SUPT20H: variants seen among roughly 807,000 people sequenced by gnomAD.
SUPT20H encodes the protein transcription factor SPT20 homolog.
In SUPT20H, 82 loss-of-function variants were observed where a neutral mutation model predicts 122.8. That is an observed-to-expected ratio of 0.67 (90% CI 0.56 to 0.80). The LOEUF is 0.80. Among genes scored for constraint, SUPT20H ranks in the 30% least tolerant of loss-of-function variants. The pLI, the probability that SUPT20H is intolerant of heterozygous loss-of-function variation, is 0.00. For synonymous variants in SUPT20H, 291 were observed against 313.0 expected (o/e 0.93, Z 0.74); for missense variants, 831 against 921.6 (o/e 0.90, Z 1.27).
rs141667073 is a variant in SUPT20H at position 37,051,277 on chromosome 13, G to C, written c.3+211C>G. ...TACTTCATAAATACAAGCACAGATA[G>C]ATGGATGAATGTGATCACTGTAACA... On this transcript the variant is annotated intron_variant, in intron 2 of 25. Transcript: ENST00000350612. Among the ~76,000 whole-genome samples the C allele has an allele frequency of 1.2e-3, 178 of 152,278 alleles. 1 individual carries two copies. The highest frequency in any genetic ancestry group is 4.1e-3 in the African/African-American group (171 of 41,572).
intron 16 of SUPT20H, 136 bp downstream of exon 16, chr13:37,026,067 TA>T: frequency 1.7e-6 from 1 of 591,020 alleles, no homozygotes; most frequent in Non-Finnish European, 2.9e-6. Context: ...CAGAGACCCA[TA>T]AATATTAAAC....
intron 9 of SUPT20H, among the ~76,000 whole-genome samples, chr13:37,037,498 A>G (rs1268910207): frequency 6.6e-6 from 1 of 152,218 alleles, no homozygotes; most frequent in African/African-American, 2.4e-5. Context: ...GTCAGGTTGT[A>G]AGAGTGGCTA....
rs755555764 is a variant in SUPT20H at position 37,022,155 on chromosome 13, T to C, written c.1592-75A>G. 2 of 1,613,834 alleles carry C rather than the reference T, an allele frequency of 1.2e-6. No individual in the cohort carries two copies. Among genetic ancestry groups the C allele is most frequent in the African/African-American group, 2.7e-5 (2 of 74,886 alleles). ...CATTGCCTGGCTCAGAGACCTTTGC[T>C]GCTGAGCAAACTGAGTTAACAAAGT... On this transcript the variant is annotated intron_variant, in intron 19 of 25. Coordinates refer to ENST00000350612, the MANE Select transcript of SUPT20H (RefSeq NM_001014286.3). The surrounding 1 kb of genome is among the most constrained non-coding windows in gnomAD (Gnocchi z 4.5).
chr13:37,044,230 T>C (rs2066002833), intron 6 of SUPT20H, 49 bp from the exon 7 acceptor site: 1 of 1,459,444 alleles, frequency 6.9e-7, no homozygotes, highest in Non-Finnish European at 9.4e-7. Context: ...ACTGAAAGCT[T>C]AGCTGTATAA....
intron 22 of SUPT20H, 126 bp from the exon 23 acceptor site, chr13:37,017,490 T>A: frequency 1.9e-6 from 2 of 1,051,102 alleles, no homozygotes; most frequent in Admixed American, 3.2e-5. Flanking sequence ...AAGAAACAGG[T>A]AAAGAAAAAA....
chr13:37,017,457 A>G, intron 22 of SUPT20H, 93 bp from the exon 23 acceptor site: 2 of 1,277,656 alleles, frequency 1.6e-6, no homozygotes, highest in Non-Finnish European at 2.1e-6. Context: ...ATCATTTGCT[A>G]TGTGTCACTC....
chr13:37,017,399 A>C, intron 22 of SUPT20H, 35 bp from the exon 23 acceptor site: 3 of 1,572,954 alleles, frequency 1.9e-6, no homozygotes, highest in Non-Finnish European at 2.6e-6. Flanking sequence ...AACCAATTTC[A>C]CATGATTTTA....
rs1238501857 is a variant in SUPT20H at position 37,009,371 on chromosome 13, T to C, written c.*301A>G. The C allele has an allele frequency of 1.2e-6, 1 of 838,194 alleles. No homozygotes were observed. The highest frequency in any genetic ancestry group is 1.9e-6 in the Non-Finnish European group (1 of 518,744). The allele number at this position is 838,194 out of a possible 1,614,324, so 51.9% of individuals were successfully genotyped here. A position where few individuals can be genotyped will look rare whatever the true frequency, so the allele number is the denominator to read the frequency against. ...AACACTGTGCACAAACGTTTTATAC[T>C]AAATAAATATCAAACTACATTCTTC... On this transcript the variant is annotated 3_prime_UTR_variant, in exon 26 of 26. Coordinates refer to ENST00000350612, the MANE Select transcript of SUPT20H (RefSeq NM_001014286.3).
In SUPT20H at chr13:37,040,729, T is replaced by C. The variant is rs190867775; in HGVS notation, c.397-37A>G. On this transcript the variant is annotated intron_variant, in intron 7 of 25. Transcript: ENST00000350612. ...AAAATACGTAAACGTCATTTTTTTT[T>C]CCAAAAGCCTAAATAAGTGGGTTTA... 9,086 of 1,525,270 alleles carry C rather than the reference T, an allele frequency of 6.0e-3. 75 individuals carry two copies. Among genetic ancestry groups the C allele is most frequent in the Non-Finnish European group, 5.8e-3 (6,366 of 1,103,516 alleles). The allele number at this position is 1,525,270 out of a possible 1,614,324, so 94.5% of individuals were successfully genotyped here.
rs758191937 is a variant in SUPT20H, at chr13:37,024,138, A to G, written c.1488T>C (p.Pro496=). The G allele has an allele frequency of 2.5e-6, 4 of 1,613,804 alleles. No individual in the cohort carries two copies. The South Asian group carries it at 4.4e-5, about 18-fold the overall frequency. Reference sequence around the variant, plus strand: ...GAATACTTGATGGCTTAGAAGAAGGAGGAGGAGTTGGAGATTTGAGAAAGC... The same window carrying G: ...GAATACTTGATGGCTTAGAAGAAGGGGGAGGAGTTGGAGATTTGAGAAAGC... ...TSSFLKSPTP[P]PSSKPSSIPR... The change falls in exon 19 of 26, where the codon CCT becomes CCC. Residue 496 remains proline (P), a synonymous_variant. Transcript: ENST00000350612.
chr13:37,051,181 T>C (rs566401394), intron 2 of SUPT20H, among the ~76,000 whole-genome samples: 1 of 152,300 alleles, frequency 6.6e-6, no homozygotes, highest in South Asian at 2.1e-4. Flanking sequence ...CCAAAACTAT[T>C]TGTATTTATA....
chr13:37,055,222 C>T (rs747085680), intron 1 of SUPT20H, among the ~76,000 whole-genome samples: 2 of 152,124 alleles, frequency 1.3e-5, no homozygotes, highest in Non-Finnish European at 2.9e-5. Flanking sequence ...AACGCCATCC[C>T]CATCAAGCTA....
intron 19 of SUPT20H, 58 bp downstream of exon 19, chr13:37,023,977 A>G (rs187259587): frequency 6.6e-6 from 10 of 1,526,002 alleles, no homozygotes. Context: ...AGCTGTCTTA[A>G]GAAACACTAA....
intron 9 of SUPT20H, among the ~76,000 whole-genome samples, chr13:37,035,922 T>G (rs912956994): frequency 5.9e-5 from 9 of 152,234 alleles, no homozygotes; most frequent in Admixed American, 1.3e-4. Flanking sequence ...ACTTAGTTGA[T>G]AATGCAGCAG....
intron 15 of SUPT20H, 138 bp downstream of exon 15, chr13:37,026,652 C>A: frequency 1.7e-6 from 1 of 574,560 alleles, no homozygotes. Flanking sequence ...GTCTACATAA[C>A]AGATCCTTAG....
At chr13:37,037,849 T>A (rs1017160571) in intron 9 of SUPT20H, among the ~76,000 whole-genome samples, 22 of 152,192 alleles carry the variant, frequency 1.4e-4, no homozygotes, top group African/African-American at 2.2e-4. Context: ...CTATTTTTTT[T>A]AAAAAAGTGA....
chr13:37,046,309 C>G (rs886250617), intron 5 of SUPT20H, among the ~76,000 whole-genome samples: 2 of 152,050 alleles, frequency 1.3e-5, no homozygotes, highest in Admixed American at 6.6e-5. Context: ...AGAGAAAACC[C>G]TCATAATTTG....
At chr13:37,052,342 C>G (rs1427764555) in intron 1 of SUPT20H, among the ~76,000 whole-genome samples, 1 of 152,010 alleles carries the variant, frequency 6.6e-6, no homozygotes, top group Non-Finnish European at 1.5e-5. Flanking sequence ...TACAGACCAA[C>G]AGAACAGAGG....
At chr13:37,031,041 C>T (rs986611800) in intron 12 of SUPT20H, among the ~76,000 whole-genome samples, 2 of 151,954 alleles carry the variant, frequency 1.3e-5, no homozygotes, top group Non-Finnish European at 2.9e-5. Context: ...TCAAAATATC[C>T]CTTTTTTGTC....
Sources: gnomAD v4.1 joint callset for allele counts (sites outside exome capture counted in the v4.1 genomes callset) on GRCh38, gnomAD v4.1.1 for gene constraint, Gnocchi (gnomAD v3.1) non-coding constraint, MANE v1.5 for transcripts, NCBI Gene and HGNC (gene_info 2026-07-23, HGNC 2026-07-21) for gene names.